The following HIVEP2 variants were observed in gnomAD, a reference collection of about 807,000 sequenced individuals.
The protein encoded by HIVEP2 is HIVEP zinc finger 2.
A neutral mutation model predicts 180.7 loss-of-function variants in HIVEP2; 14 were observed. That is an observed-to-expected ratio of 0.08 (90% CI 0.05 to 0.12). The LOEUF is 0.12. HIVEP2 is among the 10% of genes least tolerant of loss of function. The probability of loss-of-function intolerance (pLI) is 1.00; values close to 1 mark genes in which losing one functional copy is unlikely to be tolerated. For synonymous variants in HIVEP2, 1,184 were observed against 1,136.4 expected, an observed-to-expected ratio of 1.04 and a Z score of -0.84; for missense variants, 2,579 against 3,008.5, an observed-to-expected ratio of 0.86 and a Z score of 3.34.
At chr6:142,830,693 A>G (rs1266314966) in intron 2 of HIVEP2, among the ~76,000 whole-genome samples, 1 of 152,206 alleles carries the variant, frequency 6.6e-6, no homozygotes, top group Non-Finnish European at 1.5e-5. Context: ...CTATATTTAT[A>G]TCAGACTCAA....
In HIVEP2 at chr6:142,804,227, A is replaced by G. The variant is rs561153507; in HGVS notation, c.-527-20612T>C. On this transcript the variant is annotated intron_variant, in intron 2 of 9. Transcript: ENST00000367603. ...GTGAATAATTATAAATGAATACTAT[A>G]CGTAGTTGTGGCCTGGAGAACTCCA... is the stretch of plus-strand genomic sequence containing the variant. Among the ~76,000 whole-genome samples, 3 of 152,296 alleles carry G rather than the reference A, an allele frequency of 2.0e-5. No homozygotes were observed. The South Asian group carries it at 6.2e-4, about 32-fold the overall frequency.
intron 3 of HIVEP2, among the ~76,000 whole-genome samples, chr6:142,779,385 G>A (rs1468349442): frequency 6.6e-6 from 1 of 152,110 alleles, no homozygotes; most frequent in Non-Finnish European, 1.5e-5. Flanking sequence ...TTTGAGAGGT[G>A]GAGGCAGGTG....
intron 1 of HIVEP2, among the ~76,000 whole-genome samples, chr6:142,852,299 CT>C (rs1177813390): frequency 2.6e-5 from 4 of 152,014 alleles, no homozygotes; most frequent in Admixed American, 2.6e-4. Context: ...TAGCATTTCG[CT>C]TTTTTTAATA....
intron 1 of HIVEP2, among the ~76,000 whole-genome samples, chr6:142,905,642 G>A (rs1777242999): frequency 6.6e-6 from 1 of 152,150 alleles, no homozygotes; most frequent in African/African-American, 2.4e-5. Context: ...AGAAATTCCT[G>A]CATATAGTTT....
At chr6:142,858,008 T>C (rs908329888) in intron 1 of HIVEP2, among the ~76,000 whole-genome samples, 10 of 152,154 alleles carry the variant, frequency 6.6e-5, no homozygotes, top group African/African-American at 2.2e-4. Context: ...GCAGGGATGC[T>C]GCAGCTGACC....
At chr6:142,838,017 C>T (rs1030278498) in intron 1 of HIVEP2, among the ~76,000 whole-genome samples, 2 of 151,988 alleles carry the variant, frequency 1.3e-5, no homozygotes, top group Non-Finnish European at 2.9e-5. Context: ...TTGAAATTGG[C>T]CATGCACTGC....
At chr6:142,829,472 T>G (rs1157665254) in intron 2 of HIVEP2, among the ~76,000 whole-genome samples, 2 of 152,220 alleles carry the variant, frequency 1.3e-5, no homozygotes, top group African/African-American at 4.8e-5. Context: ...TGATACGATT[T>G]CTTTCTCTTC....
At chr6:142,776,528 G>GT (rs1775703815) in intron 3 of HIVEP2, among the ~76,000 whole-genome samples, 1 of 113,554 alleles carries the variant, frequency 8.8e-6, no homozygotes, top group East Asian at 2.5e-4. Context: ...AGATACAGGC[G>GT]TTTTTTGTTT....
chr6:142,944,368 C>CCA (rs1014286049), intron 1 of HIVEP2, among the ~76,000 whole-genome samples: 1 of 148,672 alleles, frequency 6.7e-6, no homozygotes, highest in African/African-American at 2.5e-5. Flanking sequence ...TCCACCCCCC[C>CCA]CCCCCACCAA....
At chr6:142,807,326 T>C (rs754890198) in intron 2 of HIVEP2, among the ~76,000 whole-genome samples, 38 of 152,100 alleles carry the variant, frequency 2.5e-4, no homozygotes, top group Non-Finnish European at 4.6e-4. Flanking sequence ...GTACACTCCA[T>C]AGTGAATTTG....
At chr6:142,862,767 T>C (rs1275724183) in intron 1 of HIVEP2, among the ~76,000 whole-genome samples, 1 of 136,434 alleles carries the variant, frequency 7.3e-6, no homozygotes, top group African/African-American at 2.7e-5. Context: ...TATTATGTAA[T>C]ATATTATATG....
intron 6 of HIVEP2, among the ~76,000 whole-genome samples, chr6:142,767,802 C>T (rs1279986541): frequency 6.6e-6 from 1 of 152,108 alleles, no homozygotes; most frequent in African/African-American, 2.4e-5. Flanking sequence ...AAAGAAATTC[C>T]TAAATACAGA....
intron 2 of HIVEP2, among the ~76,000 whole-genome samples, chr6:142,793,669 T>TC (rs1562521389): frequency 2.9e-4 from 28 of 97,194 alleles, no homozygotes; most frequent in African/African-American, 7.1e-4. Flanking sequence ...TTTTCTTTCT[T>TC]TCTTTCTCTC....
chr6:142,905,857 C>T (rs775387483), intron 1 of HIVEP2, among the ~76,000 whole-genome samples: 7 of 152,168 alleles, frequency 4.6e-5, no homozygotes, highest in Non-Finnish European at 1.5e-5. Flanking sequence ...TCAGTCCGGG[C>T]GTGGTGGCTC....
rs1475392646 is a variant in HIVEP2, at chr6:142,774,564, C to T, written c.175G>A (p.Ala59Thr). The part of the protein sequence containing the change: ...QIEPEQIGNT[A>T]SAQLFGSGKL... ...CCAGAACCAAACAGTTGTGCTGATG[C>T]TGTGTTTCCGATTTGCTCAGGCTCT... Residue 59 changes from alanine (A) to threonine (T), a missense_variant, in exon 5 of 10, where the codon GCA becomes ACA. By Grantham distance (58) the Ala-to-Thr change is moderately conservative (BLOSUM62 0). Around this residue, in one of 11 missense-constraint regions of HIVEP2, gnomAD observed 207 missense variants for 210.1 expected, o/e 0.99. Coordinates refer to ENST00000367603, the MANE Select transcript of HIVEP2 (RefSeq NM_006734.4). This position sits in a 1 kb window ranked among gnomAD's most constrained non-coding sequence, Gnocchi z 5.1. 6.2e-7 allele frequency: 1 copy of T among 1,614,200 alleles called. No individual in the cohort carries two copies. The highest frequency in any genetic ancestry group is 1.1e-5 in the South Asian group (1 of 91,086).
chr6:142,844,234 A>G (rs1338307291), intron 1 of HIVEP2, among the ~76,000 whole-genome samples: 1 of 152,200 alleles, frequency 6.6e-6, no homozygotes, highest in Non-Finnish European at 1.5e-5. Flanking sequence ...AATGGATTCA[A>G]CAGAAAAGCA....
At chr6:142,828,929 C>T (rs1774995689) in intron 2 of HIVEP2, among the ~76,000 whole-genome samples, 1 of 152,134 alleles carries the variant, frequency 6.6e-6, no homozygotes, top group South Asian at 2.1e-4. Context: ...AATCCCAAGC[C>T]AAAGCCTATA....
intron 9 of HIVEP2, among the ~76,000 whole-genome samples, chr6:142,759,092 A>G (rs540630850): frequency 1.4e-4 from 21 of 152,218 alleles, no homozygotes; most frequent in African/African-American, 4.3e-4. Context: ...ACTTGAGTTC[A>G]GGAGTTCGAG....
rs201476423 is a variant in HIVEP2 at position 142,904,909 on chromosome 6, A to T, written c.-641+40190T>A. Reference sequence around the variant, plus strand: ...TGGGTAAACTGTGGTTTTCATATCTATTGACCTGGGATAACACAGGCTGAT... The same window carrying T: ...TGGGTAAACTGTGGTTTTCATATCTTTTGACCTGGGATAACACAGGCTGAT... On this transcript the variant is annotated intron_variant, in intron 1 of 9. Transcript: ENST00000367603. 1.9e-3 allele frequency among the ~76,000 whole-genome samples: 282 copies of T among 152,266 alleles called. 5 individuals carry two copies. In the East Asian group the frequency reaches 0.047, roughly 25 times the overall value.
Sources: gnomAD v4.1 joint callset for allele counts (sites outside exome capture counted in the v4.1 genomes callset) on GRCh38, gnomAD v4.1.1 for gene constraint, gnomAD v4.1.1 regional missense constraint, Gnocchi (gnomAD v3.1) non-coding constraint, MANE v1.5 for transcripts, NCBI Gene and HGNC (gene_info 2026-07-23, HGNC 2026-07-21) for gene names.